FAT3: variants seen among roughly 807,000 people sequenced by gnomAD.
The protein encoded by FAT3 is FAT atypical cadherin 3, also known as protocadherin Fat 3.
In FAT3, 95 loss-of-function variants were observed where a neutral mutation model predicts 310.2. The ratio of observed to expected loss-of-function variants is 0.31; its 90% confidence interval spans 0.26 to 0.36. FAT3 has a LOEUF of 0.36. Ranked by LOEUF, FAT3 falls within the 10% of genes least tolerant of loss-of-function variation. The pLI is 1.00. For missense variants in FAT3, 5,408 were observed against 5,715.6 expected (o/e 0.95, Z 1.74); for synonymous variants, 2,314 against 2,192.9 (o/e 1.06, Z -1.54).
chr11:92,336,496 T>C, intron 1 of FAT3: 1 of 276,796 alleles, frequency 3.6e-6, no homozygotes, highest in Non-Finnish European at 7.1e-6. Context: ...CCAACTGCCA[T>C]GACAGATAGT....
rs1422950943 is a variant in FAT3, at chr11:92,859,209, C to T, written c.11545C>T (p.Arg3849Trp). Residue 3849 changes from arginine (R) to tryptophan (W), a missense_variant, in exon 21 of 28, where the codon CGG (arginine) becomes TGG (tryptophan). Coordinates refer to ENST00000525166, the MANE Select transcript of FAT3 (RefSeq NM_001367949.2). ...TGCTGGAAACAGTTACATCAAATAT[C>T]GGCTTTCTGAAAATAGCAAAGAAGA... ...SFAGNSYIKY[R>W]LSENSKEEDF... 3.1e-6 allele frequency: 5 copies of T among 1,613,684 alleles called. No individual in the cohort carries two copies. Among genetic ancestry groups the T allele is most frequent in the Admixed American group, 3.3e-5 (2 of 59,986 alleles).
rs993492813 is a variant in FAT3 at position 92,893,942 on chromosome 11, A to G, written c.*2829A>G. On this transcript the variant is annotated 3_prime_UTR_variant, in exon 28 of 28. Coordinates refer to ENST00000525166, the MANE Select transcript of FAT3 (RefSeq NM_001367949.2). The stretch of plus-strand genomic sequence containing the variant: ...AGAGGAAACATACCCAGAGTGGGAA[A>G]GAGACTTGCCCAAGCCCACAGAGGA... The G allele has an allele frequency of 1.3e-5, 2 of 152,226 alleles. No homozygotes were observed. Among genetic ancestry groups the G allele is most frequent in the African/African-American group, 4.8e-5 (2 of 41,460 alleles). 9.4% of individuals were successfully genotyped at this position (152,226 alleles called of 1,614,324 possible). A position where few individuals can be genotyped will look rare whatever the true frequency, so the allele number is the denominator to read the frequency against.
At chr11:92,741,116 ACTG>A (rs1945495184) in intron 4 of FAT3, among the ~76,000 whole-genome samples, 1 of 152,144 alleles carries the variant, frequency 6.6e-6, no homozygotes, top group Non-Finnish European at 1.5e-5. Context: ...ATCATAGCTC[ACTG>A]CAGCCTGCAC....
intron 12 of FAT3, among the ~76,000 whole-genome samples, chr11:92,809,140 C>T (rs1947593271): frequency 1.3e-5 from 2 of 152,144 alleles, no homozygotes. Context: ...AGCACCAATG[C>T]AGCTATTCCA....
intron 2 of FAT3, among the ~76,000 whole-genome samples, chr11:92,475,476 G>C (rs1355227878): frequency 6.6e-6 from 1 of 151,822 alleles, no homozygotes; most frequent in Non-Finnish European, 1.5e-5. Flanking sequence ...CAGTTCAAAA[G>C]AACCTACATA....
At chr11:92,648,424 C>T (rs1333777733) in intron 3 of FAT3, among the ~76,000 whole-genome samples, 1 of 152,152 alleles carries the variant, frequency 6.6e-6, no homozygotes, top group African/African-American at 2.4e-5. Context: ...CCTCCTGCTT[C>T]TGGAAGTTTT....
At chr11:92,519,960 A>G (rs1164814742) in intron 2 of FAT3, among the ~76,000 whole-genome samples, 1 of 152,146 alleles carries the variant, frequency 6.6e-6, no homozygotes, top group Non-Finnish European at 1.5e-5. Context: ...TGTCTATCCT[A>G]TGATATAGTC....
At chr11:92,672,762 G>A (rs550827409) in intron 3 of FAT3, among the ~76,000 whole-genome samples, 33 of 152,242 alleles carry the variant, frequency 2.2e-4, no homozygotes, top group African/African-American at 7.2e-4. Context: ...GTCAGTGTTT[G>A]TCATCACATA....
chr11:92,844,426 A>G lies in FAT3; in HGVS notation c.11059A>G (p.Ile3687Val), dbSNP rs1054490946. ...VLTQKQDSLRIISIQPVAGTN... is the reference protein window; with the variant it reads ...VLTQKQDSLRVISIQPVAGTN... ...CACCCAGAAGCAGGACAGCCTGCGCATCATCAGCATCCAGCCCGTGGCAGG... is the reference window on the plus strand; with the variant it reads ...CACCCAGAAGCAGGACAGCCTGCGCGTCATCAGCATCCAGCCCGTGGCAGG... Residue 3687 changes from isoleucine to valine, a missense_variant, in exon 19 of 28, where the codon ATC (isoleucine) becomes GTC (valine). Ile to Val is a conservative substitution (Grantham distance 29, BLOSUM62 3). Coordinates refer to ENST00000525166, the MANE Select transcript of FAT3 (RefSeq NM_001367949.2). The G allele has an allele frequency of 2.5e-6, 4 of 1,614,008 alleles. No homozygotes were observed.
Position 92,800,202 on chromosome 11 carries a change from C to G in FAT3, c.7189C>G (p.Leu2397Val). The change falls in exon 10 of 28, where the codon CTC becomes GTC. Residue 2397 changes from leucine to valine, a missense_variant. Transcript: ENST00000525166. ...TGACAACCCTCCAGTTTTTAATCAG[C>G]TCATTTATGAGTCATATGTGAGTGA... ...VNDNPPVFNQ[L>V]IYESYVSELA... The G allele has an allele frequency of 6.2e-7, 1 of 1,614,006 alleles. No homozygotes were observed.
chr11:92,345,266 G>C (rs1448002210), intron 1 of FAT3, among the ~76,000 whole-genome samples: 2 of 152,088 alleles, frequency 1.3e-5, no homozygotes, highest in Non-Finnish European at 2.9e-5. Flanking sequence ...ACCATTTCAA[G>C]GCTGTTTGTT....
chr11:92,310,488 A>G (rs1947268921), intron 1 of FAT3, among the ~76,000 whole-genome samples: 2 of 152,202 alleles, frequency 1.3e-5, no homozygotes, highest in South Asian at 4.1e-4. Context: ...GAATTTTAGC[A>G]AAAGAATCTT....
chr11:92,352,280 A>G lies in FAT3; in HGVS notation c.168A>G (p.Ser56=). The G allele has an allele frequency of 6.8e-7, 1 of 1,467,134 alleles. No individual in the cohort carries two copies. The highest frequency in any genetic ancestry group is 9.2e-7 in the Non-Finnish European group (1 of 1,087,432). 90.9% of individuals were successfully genotyped at this position (1,467,134 alleles called of 1,614,324 possible). A position where few individuals can be genotyped will look rare whatever the true frequency, so the allele number is the denominator to read the frequency against. Residue 56 remains serine, a synonymous_variant, in exon 2 of 28, where the codon TCA becomes TCG. Coordinates refer to ENST00000525166, the MANE Select transcript of FAT3 (RefSeq NM_001367949.2). ...ATAATGCTACCGTGTATGAGAACTC[A>G]GCAGCAAGGACCTACGTCAACAGCC... is the stretch of plus-strand genomic sequence containing the variant. The part of the protein sequence containing the change: ...SIYNATVYEN[S]AARTYVNSQS...
At chr11:92,675,985 G>C (rs1943276995) in intron 3 of FAT3, among the ~76,000 whole-genome samples, 1 of 152,056 alleles carries the variant, frequency 6.6e-6, no homozygotes, top group Admixed American at 6.5e-5. Context: ...TGAGACTGTT[G>C]ACAGGAGCAA....
At chr11:92,744,639 T>C (rs1032198815) in intron 4 of FAT3, among the ~76,000 whole-genome samples, 13 of 152,186 alleles carry the variant, frequency 8.5e-5, no homozygotes, top group Admixed American at 5.9e-4. Context: ...ATAACTGACA[T>C]TGCTGTAGTA....
chr11:92,416,431 C>A (rs1950415995), intron 2 of FAT3, among the ~76,000 whole-genome samples: 1 of 151,414 alleles, frequency 6.6e-6, no homozygotes, highest in African/African-American at 2.4e-5. Flanking sequence ...ACGTTAACAT[C>A]AATCAATGAT....
At chr11:92,423,196 T>C (rs560381020) in intron 2 of FAT3, among the ~76,000 whole-genome samples, 20 of 152,144 alleles carry the variant, frequency 1.3e-4, no homozygotes, top group Non-Finnish European at 2.1e-4. Flanking sequence ...CAAAATACAC[T>C]GGACAGCCAT....
chr11:92,870,945 A>G (rs1208508770), intron 22 of FAT3, among the ~76,000 whole-genome samples: 7 of 152,176 alleles, frequency 4.6e-5, no homozygotes, highest in African/African-American at 1.7e-4. Context: ...ACCCACCCTC[A>G]TTTTACAGAT....
chr11:92,402,370 T>C (rs1416221634), intron 2 of FAT3, among the ~76,000 whole-genome samples: 2 of 152,048 alleles, frequency 1.3e-5, no homozygotes, highest in African/African-American at 2.4e-5. Context: ...TGACGGATAA[T>C]GTTTTCAGGG....
Sources: gnomAD v4.1 joint callset for allele counts (sites outside exome capture counted in the v4.1 genomes callset) on GRCh38, gnomAD v4.1.1 for gene constraint, MANE v1.5 for transcripts, NCBI Gene and HGNC (gene_info 2026-07-23, HGNC 2026-07-21) for gene names.